The following PACS2 variants were observed in gnomAD, a reference collection of about 807,000 sequenced individuals.
PACS2 encodes phosphofurin acidic cluster sorting protein 2.
A neutral mutation model predicts 113.0 loss-of-function variants in PACS2; 36 were observed. The observed-to-expected ratio is 0.32, with a 90% CI of 0.24 to 0.42. The LOEUF (loss-of-function observed/expected upper bound fraction) is 0.42. PACS2 is among the 10% of genes least tolerant of loss of function. The pLI is 1.00. For synonymous variants in PACS2, 589 were observed against 536.1 expected (o/e 1.10, Z -1.36); for missense variants, 1,015 against 1,239.5 (o/e 0.82, Z 2.72).
Position 105,380,991 on chromosome 14 carries a change from C to T in PACS2, c.1160C>T (p.Pro387Leu). The change falls in exon 12 of 25, where the codon CCT becomes CTT. Residue 387 changes from proline to leucine, a missense_variant. Coordinates refer to ENST00000447393, the MANE Select transcript of PACS2 (RefSeq NM_001100913.3). ...VPGPREHPGQ[P>L]EDSPEAEAST... ...GGCCCGAGGGAGCACCCTGGACAGC[C>T]TGAGGACAGCCCCGAGGCTGAGGCC... The T allele has an allele frequency of 6.2e-7, 1 of 1,612,518 alleles. No individual in the cohort carries two copies. Among genetic ancestry groups the T allele is most frequent in the Non-Finnish European group, 8.5e-7 (1 of 1,179,730 alleles).
intron 1 of PACS2, among the ~76,000 whole-genome samples, chr14:105,342,927 T>C (rs1179762260): frequency 7.0e-6 from 1 of 142,202 alleles, no homozygotes; most frequent in Non-Finnish European, 1.5e-5. Flanking sequence ...AGCAGGACTC[T>C]GTCTTAAAAA....
intron 21 of PACS2, 119 bp from the exon 22 acceptor site, chr14:105,391,512 T>TTGCCCCCCCCCCCCC: frequency 1.6e-6 from 1 of 611,326 alleles, no homozygotes; most frequent in Non-Finnish European, 2.9e-6. Flanking sequence ...CACTGGGGAC[T>TTGCCCCCCCCCCCCC]CCCACCCTGC....
chr14:105,383,705 T>C, intron 16 of PACS2, 192 bp downstream of exon 16: 2 of 575,338 alleles, frequency 3.5e-6, no homozygotes, highest in Non-Finnish European at 6.1e-6. Context: ...GTTTGTTTGA[T>C]ACAGTAACAC....
rs955090500 is a variant in PACS2, at chr14:105,324,197, G to A, written c.119+9160G>A. On this transcript the variant is annotated intron_variant, in intron 1 of 24. Coordinates refer to ENST00000447393, the MANE Select transcript of PACS2 (RefSeq NM_001100913.3). This position sits in a 1 kb window ranked among gnomAD's most constrained non-coding sequence, Gnocchi z 4.7. ...AAGGTTTGATGGAGTGGGCAGCTGC[G>A]GTGCTGTGGCGGGGTCGGGGGGCTG... is the stretch of plus-strand genomic sequence containing the variant. 4.6e-5 allele frequency among the ~76,000 whole-genome samples: 7 copies of A among 152,202 alleles called. No homozygotes were observed. The highest frequency in any genetic ancestry group is 2.1e-4 in the South Asian group (1 of 4,836).
chr14:105,356,105 C>T lies in PACS2; in HGVS notation c.423+928C>T, dbSNP rs2060433942. ...AGCCCCTCTTCTTCCCACTTTGTCC[C>T]CCTGCTCCTGGGGCTTGGGGCTGGG... On this transcript the variant is annotated intron_variant, in intron 4 of 24. Transcript: ENST00000447393. This position sits in a 1 kb window ranked among gnomAD's most constrained non-coding sequence, Gnocchi z 4.0. Among the ~76,000 whole-genome samples the T allele has an allele frequency of 6.6e-6, 1 of 152,150 alleles. No individual in the cohort carries two copies. The highest frequency in any genetic ancestry group is 2.1e-4 in the South Asian group (1 of 4,832).
rs991929478 is a variant in PACS2 at position 105,365,639 on chromosome 14, C to T, written c.424-1574C>T. 3.3e-5 allele frequency among the ~76,000 whole-genome samples: 5 copies of T among 152,212 alleles called. No homozygotes were observed. Among genetic ancestry groups the T allele is most frequent in the Admixed American group, 2.0e-4 (3 of 15,280 alleles). ...AGGTTGGTATGAGCAGGTGCAGCACCACCTGAGCCCCACCTTGATTCCTCC... is the reference window on the plus strand; with the variant it reads ...AGGTTGGTATGAGCAGGTGCAGCACTACCTGAGCCCCACCTTGATTCCTCC... On this transcript the variant is annotated intron_variant, in intron 4 of 24. Transcript: ENST00000447393. The surrounding 1 kb of genome is among the most constrained non-coding windows in gnomAD (Gnocchi z 5.1).
chr14:105,393,333 G>A lies in PACS2; in HGVS notation c.2594G>A (p.Arg865Gln), dbSNP rs782072848. ...GCCAGGCAGCAGCAGAACATGCTGC[G>A]GGGTGAGCACCACCGGCCCCGGGGT... ...CTARQQQNML[R>Q]VLIDGVECSD... Residue 865 changes from arginine to glutamine, a missense_variant and splice_region_variant, in exon 24 of 25, where the codon CGG (arginine) becomes CAG (glutamine). Physicochemically the swap from Arg to Gln is conservative, Grantham distance 43 (BLOSUM62 1). This residue lies in a region of PACS2 where 859 missense variants were observed against 1,056.8 expected (regional missense o/e 0.81). Coordinates refer to ENST00000447393, the MANE Select transcript of PACS2 (RefSeq NM_001100913.3). The A allele has an allele frequency of 1.2e-6, 2 of 1,603,486 alleles. No individual in the cohort carries two copies. The highest frequency in any genetic ancestry group is 1.7e-6 in the Non-Finnish European group (2 of 1,173,820).
At chr14:105,371,038 G>A (rs2061129992) in intron 8 of PACS2, 1 of 152,270 alleles carries the variant, frequency 6.6e-6, no homozygotes. Flanking sequence ...TCAGCCCCTG[G>A]GGCACACACT....
chr14:105,330,160 G>C lies in PACS2; in HGVS notation c.119+15123G>C, dbSNP rs2059250929. ...GGGACAGGGAGCCTCCGAGAAGCCT[G>C]GGGTCCGTGTGTGGGACGGAACGGG... is the stretch of plus-strand genomic sequence containing the variant. On this transcript the variant is annotated intron_variant, in intron 1 of 24. Coordinates refer to ENST00000447393, the MANE Select transcript of PACS2 (RefSeq NM_001100913.3). The surrounding 1 kb of genome is among the most constrained non-coding windows in gnomAD (Gnocchi z 6.9). Among the ~76,000 whole-genome samples, 1 of 146,012 alleles carries C rather than the reference G, an allele frequency of 6.8e-6. No homozygotes were observed. The highest frequency in any genetic ancestry group is 2.6e-5 in the African/African-American group (1 of 39,124).
chr14:105,331,615 A>G (rs777858683), intron 1 of PACS2, among the ~76,000 whole-genome samples: 2 of 152,208 alleles, frequency 1.3e-5, no homozygotes, highest in Non-Finnish European at 2.9e-5. Flanking sequence ...CCAGGAAATC[A>G]CTGTAGTCCT....
Position 105,381,928 on chromosome 14 carries a change from A to G in PACS2, c.1283A>G (p.Gln428Arg). Residue 428 changes from glutamine (Q) to arginine (R), a missense_variant, in exon 13 of 25, where the codon CAG (glutamine) becomes CGG (arginine). Gln to Arg is a conservative substitution (Grantham distance 43). Coordinates refer to ENST00000447393, the MANE Select transcript of PACS2 (RefSeq NM_001100913.3). ...VIPSTRSEGK[Q>R]AGRRGRSTSL... ...GTCCCCAATAGGTCCGAGGGGAAGC[A>G]GGCTGGCCGACGGGGCCGGAGCACA... The G allele has an allele frequency of 6.4e-7, 1 of 1,551,092 alleles. No homozygotes were observed. The highest frequency in any genetic ancestry group is 8.7e-7 in the Non-Finnish European group (1 of 1,147,238).
chr14:105,344,444 A>T (rs2059845007), intron 1 of PACS2, among the ~76,000 whole-genome samples: 1 of 152,120 alleles, frequency 6.6e-6, no homozygotes, highest in Non-Finnish European at 1.5e-5. Flanking sequence ...CAATTTATTT[A>T]ATAGTTGTAG....
chr14:105,377,677 G>A (rs1406816413), intron 9 of PACS2, among the ~76,000 whole-genome samples: 8 of 152,222 alleles, frequency 5.3e-5, no homozygotes, highest in Non-Finnish European at 7.3e-5. Flanking sequence ...CTGCAGCCAC[G>A]CAGCGGCCTC....
chr14:105,391,058 G>C (rs1182343912), intron 20 of PACS2, 149 bp from the exon 21 acceptor site: 1 of 666,848 alleles, frequency 1.5e-6, no homozygotes, highest in East Asian at 2.6e-5. Context: ...CACAGATGGG[G>C]AGAGAAGGGC....
At chr14:105,367,490 A>C in intron 5 of PACS2, 115 bp downstream of exon 5, 1 of 1,004,412 alleles carries the variant, frequency 1.0e-6, no homozygotes, top group Non-Finnish European at 1.5e-6. Context: ...GGGGGTCCGG[A>C]GCACGTGTCA....
At position 105,324,553 on chromosome 14, in the gene PACS2, C is replaced by T. The variant is rs934397346; in HGVS notation, c.119+9516C>T. Among the ~76,000 whole-genome samples, 3 of 152,152 alleles carry T rather than the reference C, an allele frequency of 2.0e-5. No homozygotes were observed. The highest frequency in any genetic ancestry group is 4.8e-5 in the African/African-American group (2 of 41,452). ...AGAGGCAGCCCTAAAAATAGCCGAG[C>T]GCTGAGAGGCCGTCCCTTTCTGCTC... On this transcript the variant is annotated intron_variant, in intron 1 of 24. Coordinates refer to ENST00000447393, the MANE Select transcript of PACS2 (RefSeq NM_001100913.3). This position sits in a 1 kb window ranked among gnomAD's most constrained non-coding sequence, Gnocchi z 4.7.
At chr14:105,380,867 C>T (rs1279971950) in intron 11 of PACS2, 90 bp from the exon 12 acceptor site, 14 of 1,329,192 alleles carry the variant, frequency 1.1e-5, no homozygotes, top group Non-Finnish European at 1.4e-5. Context: ...AGGCCTAAAC[C>T]CTCACCCGAG....
At chr14:105,394,477 G>T (rs1555415956) in intron 24 of PACS2, 77 bp from the exon 25 acceptor site, 7 of 1,590,752 alleles carry the variant, frequency 4.4e-6, no homozygotes, top group Admixed American at 1.7e-5. Flanking sequence ...CACCCAGCCT[G>T]GTGGGCCAGG....
intron 1 of PACS2, among the ~76,000 whole-genome samples, chr14:105,305,528 G>A (rs2058162068): frequency 6.6e-6 from 1 of 152,218 alleles, no homozygotes; most frequent in African/African-American, 2.4e-5. Flanking sequence ...ACCAGACACG[G>A]CATCTGCCAG....
Sources: gnomAD v4.1 joint callset for allele counts (sites outside exome capture counted in the v4.1 genomes callset) on GRCh38, gnomAD v4.1.1 for gene constraint, gnomAD v4.1.1 regional missense constraint, Gnocchi (gnomAD v3.1) non-coding constraint, MANE v1.5 for transcripts, NCBI Gene and HGNC (gene_info 2026-07-23, HGNC 2026-07-21) for gene names.